Variants in OSBPL9 observed in about 807,000 individuals in gnomAD.
OSBPL9 encodes oxysterol binding protein like 9, also known as oxysterol-binding protein-related protein 9.
OSBPL9 carries 40 observed loss-of-function variants against 106.6 expected under a neutral mutation model. That is an observed-to-expected ratio of 0.38 (90% CI 0.29 to 0.49). The LOEUF (loss-of-function observed/expected upper bound fraction) is 0.49. OSBPL9 is among the 20% of genes least tolerant of loss of function. The pLI, the probability that OSBPL9 is intolerant of heterozygous loss-of-function variation, is 0.97. For synonymous variants in OSBPL9, 269 were observed against 295.4 expected (o/e 0.91, Z 0.92); for missense variants, 609 against 887.2 (o/e 0.69, Z 3.98).
chr1:51,522,357 T>G, the OSBPL9 span, among the ~76,000 whole-genome samples: 1 of 152,208 alleles, frequency 6.6e-6, no homozygotes, highest in African/African-American at 2.4e-5. Flanking sequence ...AGACCACTAG[T>G]AATTTGTAGT....
At chr1:51,710,514 T>C (rs1659579002) in intron 3 of OSBPL9, among the ~76,000 whole-genome samples, 1 of 152,258 alleles carries the variant, frequency 6.6e-6, no homozygotes, top group Non-Finnish European at 1.5e-5. Flanking sequence ...CATCAGGCAT[T>C]GTTTATGCCT....
At chr1:51,603,964 C>T (rs941627004) in intron 2 of OSBPL9, among the ~76,000 whole-genome samples, 2 of 152,142 alleles carry the variant, frequency 1.3e-5, no homozygotes, top group Admixed American at 6.5e-5. Context: ...TTCAAGGTAT[C>T]CCAATGGAGG....
At chr1:51,745,112 G>A (rs1255275039) in intron 4 of OSBPL9, 1 of 158,794 alleles carries the variant, frequency 6.3e-6, no homozygotes, top group Non-Finnish European at 1.4e-5. Context: ...ACTAAACAGT[G>A]AGAATATGAA....
chr1:51,596,767 G>A (rs1309431396), intron 1 of OSBPL9, among the ~76,000 whole-genome samples: 3 of 151,980 alleles, frequency 2.0e-5, no homozygotes, highest in African/African-American at 4.8e-5. Flanking sequence ...GTGACAGAGC[G>A]AGACTCCATC....
intron 21 of OSBPL9, 45 bp from the exon 22 acceptor site, chr1:51,786,481 A>G: frequency 7.7e-7 from 1 of 1,298,912 alleles, no homozygotes; most frequent in Non-Finnish European, 1.1e-6. Context: ...ACATTAGGTT[A>G]GGGGTTTATG....
chr1:51,565,509 C>T, the OSBPL9 span: 1 of 152,148 alleles, frequency 6.6e-6, no homozygotes, highest in Non-Finnish European at 1.5e-5. Context: ...TAAGGACTTC[C>T]TATATACCAG....
chr1:51,746,592 A>G (rs1668025918), intron 5 of OSBPL9, 118 bp from the exon 6 acceptor site: 1 of 721,372 alleles, frequency 1.4e-6, no homozygotes, highest in Non-Finnish European at 2.3e-6. Context: ...AAAATAACAT[A>G]TAAATCATCC....
In OSBPL9 at chr1:51,782,460, T is replaced by C. The variant is rs6681657; in HGVS notation, c.1429-99T>C. The C allele has an allele frequency of 2.1e-3, 1,757 of 834,682 alleles. 25 individuals are homozygous for C. The African/African-American group carries it at 0.027, about 13-fold the overall frequency. 51.7% of individuals were successfully genotyped at this position (834,682 alleles called of 1,614,324 possible). Reference sequence around the variant, plus strand: ...AATAGAAATATATATATAGGGTGCTTGGTGTGTGTAGAGCGAGCAGAGACC... The same window carrying C: ...AATAGAAATATATATATAGGGTGCTCGGTGTGTGTAGAGCGAGCAGAGACC... On this transcript the variant is annotated intron_variant, in intron 16 of 23. Coordinates refer to ENST00000428468, the MANE Select transcript of OSBPL9 (RefSeq NM_024586.6).
the OSBPL9 span, chr1:51,519,327 G>T: frequency 4.9e-6 from 2 of 406,622 alleles, no homozygotes. Context: ...CGAGGCCGGG[G>T]CGGGCGGGCG....
intron 8 of OSBPL9, among the ~76,000 whole-genome samples, chr1:51,753,212 A>G (rs575966795): frequency 6.6e-6 from 1 of 152,342 alleles, no homozygotes; most frequent in African/African-American, 2.4e-5. Flanking sequence ...TCAACTTTGC[A>G]TAGTCTTAAA....
chr1:51,567,369 T>C, the OSBPL9 span: 5 of 152,234 alleles, frequency 3.3e-5, no homozygotes, highest in African/African-American at 1.2e-4. Flanking sequence ...TGAATCCCTG[T>C]TGAGTTGCTG....
the OSBPL9 span, among the ~76,000 whole-genome samples, chr1:51,564,711 T>G: frequency 6.6e-6 from 1 of 152,202 alleles, no homozygotes; most frequent in Non-Finnish European, 1.5e-5. Flanking sequence ...CTAGCCGTTT[T>G]ATGATTCCTA....
chr1:51,646,626 C>G (rs1250382209), intron 1 of OSBPL9, among the ~76,000 whole-genome samples: 1 of 152,156 alleles, frequency 6.6e-6, no homozygotes, highest in East Asian at 1.9e-4. Flanking sequence ...TCACTACAAC[C>G]TCCTGGGTTC....
At chr1:51,541,422 C>T in the OSBPL9 span, among the ~76,000 whole-genome samples, 1 of 152,230 alleles carries the variant, frequency 6.6e-6, no homozygotes, top group Non-Finnish European at 1.5e-5. Flanking sequence ...AACTCATGGC[C>T]TCTCTCTTTA....
intron 14 of OSBPL9, among the ~76,000 whole-genome samples, chr1:51,774,188 G>A (rs377445050): frequency 2.5e-4 from 38 of 152,282 alleles, no homozygotes; most frequent in African/African-American, 8.9e-4. Context: ...CAGAGTTCTT[G>A]GGGGTGAAGC....
chr1:51,581,650 T>C (rs571145051), intron 1 of OSBPL9, among the ~76,000 whole-genome samples: 19 of 152,316 alleles, frequency 1.2e-4, no homozygotes, highest in Admixed American at 3.3e-4. Flanking sequence ...ATATTTATTT[T>C]ATACCTTATT....
chr1:51,691,690 T>C (rs376995394), intron 3 of OSBPL9, among the ~76,000 whole-genome samples: 38 of 152,280 alleles, frequency 2.5e-4, no homozygotes, highest in African/African-American at 8.9e-4. Context: ...TATTGTATAG[T>C]TATAAAAATA....
At chr1:51,738,312 A>G (rs1490031100) in intron 4 of OSBPL9, among the ~76,000 whole-genome samples, 1 of 152,030 alleles carries the variant, frequency 6.6e-6, no homozygotes, top group Non-Finnish European at 1.5e-5. Flanking sequence ...TTTTAGCTGT[A>G]CCCGATTCCT....
At chr1:51,771,799 C>T (rs1164970621) in intron 12 of OSBPL9, among the ~76,000 whole-genome samples, 1 of 152,046 alleles carries the variant, frequency 6.6e-6, no homozygotes, top group Non-Finnish European at 1.5e-5. Context: ...AGATTTATAC[C>T]CAGTAACAAA....
Sources: allele counts gnomAD v4.1 joint callset (sites outside exome capture counted in the v4.1 genomes callset), GRCh38; gene constraint gnomAD v4.1.1; transcripts MANE v1.5; gene names NCBI Gene and HGNC (gene_info 2026-07-23, HGNC 2026-07-21).